TRAF3IP1: variants seen among roughly 807,000 people sequenced by gnomAD.
TRAF3IP1 encodes TRAF3-interacting protein 1.
In TRAF3IP1, 53 loss-of-function variants were observed where a neutral mutation model predicts 89.9. The ratio of observed to expected loss-of-function variants is 0.59; its 90% confidence interval spans 0.47 to 0.74. The LOEUF is 0.74. Ranked by LOEUF, TRAF3IP1 falls within the 30% of genes least tolerant of loss-of-function variation. TRAF3IP1 has a pLI of 0.00. For missense variants in TRAF3IP1, 806 were observed against 866.1 expected (o/e 0.93, Z 0.87); for synonymous variants, 311 against 322.1 (o/e 0.97, Z 0.37).
chr2:238,320,760 G>A lies in TRAF3IP1; in HGVS notation c.98G>A (p.Arg33His). 2.1e-6 allele frequency: 3 copies of A among 1,435,352 alleles called. No homozygotes were observed. Among genetic ancestry groups the A allele is most frequent in the Non-Finnish European group, 2.8e-6 (3 of 1,081,404 alleles). 88.9% of individuals were successfully genotyped at this position (1,435,352 alleles called of 1,614,324 possible). The change falls in exon 1 of 17, where the codon CGC becomes CAC. Residue 33 changes from arginine (R) to histidine (H), a missense_variant. Arg to His is a conservative substitution (Grantham distance 29). Coordinates refer to ENST00000373327, the MANE Select transcript of TRAF3IP1 (RefSeq NM_015650.4). ...TEKLLSKPPF[R>H]YLHDIITEVI... The stretch of plus-strand genomic sequence containing the variant: ...AAGCTGCTGAGCAAGCCCCCGTTCC[G>A]CTACCTGCACGACATCATCACGGAG...
intron 1 of TRAF3IP1, among the ~76,000 whole-genome samples, chr2:238,323,912 C>T (rs978548764): frequency 6.6e-6 from 1 of 152,096 alleles, no homozygotes; most frequent in Admixed American, 6.5e-5. Context: ...TTAGGAGGTA[C>T]AGGTTACCTG....
At chr2:238,368,348 A>C (rs1040608532) in intron 15 of TRAF3IP1, among the ~76,000 whole-genome samples, 3 of 152,282 alleles carry the variant, frequency 2.0e-5, no homozygotes, top group Middle Eastern at 3.4e-3. Flanking sequence ...AAATGCTTCG[A>C]TTTCCTATTT....
intron 1 of TRAF3IP1, among the ~76,000 whole-genome samples, chr2:238,324,565 G>A (rs910422528): frequency 2.0e-5 from 3 of 152,050 alleles, no homozygotes; most frequent in Non-Finnish European, 2.9e-5. Flanking sequence ...ATCCCTTGCA[G>A]GGGACTCTGT....
rs1420216965 is a variant in TRAF3IP1, at chr2:238,329,123, A to G, written c.696A>G (p.Lys232=). ...CCAGGCCAGACAACGAGCGACAGAA[A>G]GACAGAGGCAACAGGGAGCGGGACA... The part of the protein sequence containing the change: ...ARARPDNERQ[K]DRGNRERDRD... The change falls in exon 5 of 17, where the codon AAA becomes AAG. Residue 232 remains lysine (K), a synonymous_variant. Transcript: ENST00000373327. 1.9e-6 allele frequency: 3 copies of G among 1,551,140 alleles called. No homozygotes were observed. Among genetic ancestry groups the G allele is most frequent in the Non-Finnish European group, 1.7e-6 (2 of 1,147,352 alleles).
chr2:238,330,763 C>G (rs1426462832), intron 5 of TRAF3IP1, among the ~76,000 whole-genome samples: 1 of 152,174 alleles, frequency 6.6e-6, no homozygotes, highest in Non-Finnish European at 1.5e-5. Flanking sequence ...TGCCTACTGG[C>G]AAGACTGTGG....
Position 238,328,752 on chromosome 2 carries a change from T to C in TRAF3IP1, c.421T>C (p.Ser141Pro). ...GAAGGGAGAAGTGAAAGGCCGGGCC[T>C]CACTGACCTCAAGATCTCAGGAATT... ...GEKGEVKGRA[S>P]LTSRSQELDN... is the part of the protein sequence containing the mutation. The change falls in exon 4 of 17, where the codon TCA (serine) becomes CCA (proline). Residue 141 changes from serine (S) to proline (P), a missense_variant. Around this residue, in one of 3 missense-constraint regions of TRAF3IP1, gnomAD observed 732 missense variants for 780.5 expected, o/e 0.94. Transcript: ENST00000373327. 1 of 1,613,974 alleles carries C rather than the reference T, an allele frequency of 6.2e-7. No homozygotes were observed.
intron 15 of TRAF3IP1, among the ~76,000 whole-genome samples, chr2:238,356,489 C>G (rs1181407098): frequency 6.6e-6 from 1 of 151,992 alleles, no homozygotes; most frequent in Admixed American, 6.5e-5. Context: ...GGAGTGAGAC[C>G]CTGCCTCAGA....
intron 15 of TRAF3IP1, among the ~76,000 whole-genome samples, chr2:238,390,835 G>T (rs1207062342): frequency 6.6e-6 from 1 of 152,094 alleles, no homozygotes; most frequent in Non-Finnish European, 1.5e-5. Flanking sequence ...AGGCTGGGTT[G>T]TACCAGCCCC....
intron 15 of TRAF3IP1, among the ~76,000 whole-genome samples, chr2:238,374,667 T>A (rs1043356484): frequency 3.3e-5 from 5 of 152,194 alleles, no homozygotes; most frequent in African/African-American, 9.7e-5. Flanking sequence ...GAGGATTCCC[T>A]CTTTTTCTGT....
intron 15 of TRAF3IP1, among the ~76,000 whole-genome samples, chr2:238,393,555 T>C (rs1701081156): frequency 6.6e-6 from 1 of 152,212 alleles, no homozygotes; most frequent in African/African-American, 2.4e-5. Flanking sequence ...TGGTGTCAAG[T>C]CTTCGAACTC....
intron 8 of TRAF3IP1, among the ~76,000 whole-genome samples, chr2:238,342,537 T>C (rs983272444): frequency 6.6e-6 from 1 of 152,228 alleles, no homozygotes; most frequent in African/African-American, 2.4e-5. Context: ...AGAATGAAGA[T>C]AATGCATTTA....
chr2:238,385,936 C>T (rs149353523), intron 15 of TRAF3IP1, among the ~76,000 whole-genome samples: 267 of 152,268 alleles, frequency 1.8e-3, no homozygotes, highest in African/African-American at 6.2e-3. Context: ...CAGGTGATTT[C>T]AATAAATATT....
At chr2:238,375,772 C>T (rs1022640736) in intron 15 of TRAF3IP1, among the ~76,000 whole-genome samples, 6 of 152,064 alleles carry the variant, frequency 3.9e-5, no homozygotes, top group African/African-American at 9.7e-5. Context: ...TTTGGCGAGT[C>T]GGTTAAGAAA....
At chr2:238,368,720 G>T (rs1699985720) in intron 15 of TRAF3IP1, among the ~76,000 whole-genome samples, 1 of 152,078 alleles carries the variant, frequency 6.6e-6, no homozygotes, top group African/African-American at 2.4e-5. Context: ...GCCCAGGCTG[G>T]AGTGCAATGG....
chr2:238,339,549 A>G (rs920021283), intron 8 of TRAF3IP1, among the ~76,000 whole-genome samples: 3 of 152,170 alleles, frequency 2.0e-5, no homozygotes. Context: ...GGTAGCCCCC[A>G]CCCAGCTAGC....
chr2:238,390,855 A>G (rs1700966183), intron 15 of TRAF3IP1, among the ~76,000 whole-genome samples: 1 of 152,122 alleles, frequency 6.6e-6, no homozygotes, highest in Non-Finnish European at 1.5e-5. Flanking sequence ...CTGGAACCAC[A>G]AGGCACTGAC....
chr2:238,320,646 G>T lies in TRAF3IP1; in HGVS notation c.-17G>T, dbSNP rs762759798. ...CGGCTGAGGGGCGCGGGCGGCCAGC[G>T]GGCGGCGGACGCCGTCATGAACGCG... On this transcript the variant is annotated 5_prime_UTR_variant, in exon 1 of 17. Transcript: ENST00000373327. 5.8e-4 allele frequency: 768 copies of T among 1,332,070 alleles called. 4 individuals are homozygous for T. The highest frequency in any genetic ancestry group is 3.1e-3 in the South Asian group (183 of 58,752). 82.5% of individuals were successfully genotyped at this position (1,332,070 alleles called of 1,614,324 possible).
chr2:238,332,867 C>A lies in TRAF3IP1; in HGVS notation c.959C>A (p.Thr320Asn). ...ATGTCTAAAAAGTTATCAGATGGAA[C>A]TTTTAAAGACTCCAAGGCTGAAACA... ...GEMSKKLSDG[T>N]FKDSKAETET... The change falls in exon 6 of 17, where the codon ACT (threonine) becomes AAT (asparagine). Residue 320 changes from threonine to asparagine, a missense_variant. Around this residue, in one of 3 missense-constraint regions of TRAF3IP1, gnomAD observed 732 missense variants for 780.5 expected, o/e 0.94. Coordinates refer to ENST00000373327, the MANE Select transcript of TRAF3IP1 (RefSeq NM_015650.4). 1 of 1,611,572 alleles carries A rather than the reference C, an allele frequency of 6.2e-7. No individual in the cohort carries two copies. The highest frequency in any genetic ancestry group is 8.5e-7 in the Non-Finnish European group (1 of 1,178,646).
Position 238,397,493 on chromosome 2 carries a change from A to G in TRAF3IP1, c.1724A>G (p.Glu575Gly), listed in dbSNP as rs1231206401. Residue 575 changes from glutamate to glycine, a missense_variant, in exon 16 of 17, where the codon GAG becomes GGG. Glu to Gly is a moderately conservative substitution (Grantham distance 98). Around this residue, in one of 3 missense-constraint regions of TRAF3IP1, gnomAD observed 732 missense variants for 780.5 expected, o/e 0.94. Transcript: ENST00000373327. Reference sequence around the variant, plus strand: ...CTCTTTGAGTCGGCATGGAAGAAGGAGAAGGACATCGTTTCCAAGGAGATA... The same window carrying G: ...CTCTTTGAGTCGGCATGGAAGAAGGGGAAGGACATCGTTTCCAAGGAGATA... ...RSLFESAWKK[E>G]KDIVSKEIEK... 1 of 1,613,042 alleles carries G rather than the reference A, an allele frequency of 6.2e-7. No homozygotes were observed. Among genetic ancestry groups the G allele is most frequent in the South Asian group, 1.1e-5 (1 of 91,082 alleles).
Sources: allele counts gnomAD v4.1 joint callset (sites outside exome capture counted in the v4.1 genomes callset), GRCh38; gene constraint gnomAD v4.1.1; regional missense constraint gnomAD v4.1.1; transcripts MANE v1.5; gene names NCBI Gene and HGNC (gene_info 2026-07-23, HGNC 2026-07-21).